Variants in CTNNA2 observed in about 807,000 individuals in gnomAD.
The protein encoded by CTNNA2 is catenin alpha-2.
CTNNA2 carries 42 observed loss-of-function variants against 101.0 expected under a neutral mutation model. The ratio of observed to expected loss-of-function variants is 0.42; its 90% CI spans 0.32 to 0.54. The LOEUF (loss-of-function observed/expected upper bound fraction) is 0.54. CTNNA2 is among the 20% of genes least tolerant of loss of function. The pLI is 0.14. For missense variants in CTNNA2, 871 were observed against 1,223.1 expected (o/e 0.71, Z 4.29); for synonymous variants, 450 against 456.4 (o/e 0.99, Z 0.18).
At chr2:79,277,471 G>A (rs892440603) in intron 2 of CTNNA2, among the ~76,000 whole-genome samples, 2 of 152,048 alleles carry the variant, frequency 1.3e-5, no homozygotes, top group Non-Finnish European at 2.9e-5. Flanking sequence ...GGGCAAGACA[G>A]CAGTCAGCCT....
intron 7 of CTNNA2, among the ~76,000 whole-genome samples, chr2:80,127,256 C>A (rs1229303915): frequency 2.6e-5 from 4 of 151,992 alleles, no homozygotes; most frequent in African/African-American, 9.7e-5. Context: ...TTGTATAGGA[C>A]CTGCAAACAA....
At chr2:79,541,409 TACAC>T (rs1209817983) in intron 1 of CTNNA2, among the ~76,000 whole-genome samples, 21 of 81,840 alleles carry the variant, frequency 2.6e-4, no homozygotes, top group South Asian at 4.3e-4. Flanking sequence ...TATATACACA[TACAC>T]ACACGCACAC....
intron 2 of CTNNA2, among the ~76,000 whole-genome samples, chr2:79,693,007 GAACTTTAAGTAT>G (rs1394719032): frequency 6.6e-6 from 1 of 151,436 alleles, no homozygotes; most frequent in Admixed American, 6.6e-5. Flanking sequence ...ATGTATCTCA[GAACTTTAAGTAT>G]AAATAAAAAA....
At chr2:79,676,805 A>G (rs1683215377) in intron 2 of CTNNA2, among the ~76,000 whole-genome samples, 1 of 152,250 alleles carries the variant, frequency 6.6e-6, no homozygotes, top group South Asian at 2.1e-4. Context: ...GATGTGAGAA[A>G]TTGTGAAAAG....
intron 3 of CTNNA2, among the ~76,000 whole-genome samples, chr2:79,790,245 T>A (rs1475876312): frequency 2.0e-5 from 3 of 152,038 alleles, no homozygotes; most frequent in African/African-American, 7.2e-5. Flanking sequence ...TAGGAACTGT[T>A]TAAGAGCTGT....
chr2:80,439,911 G>C (rs974183997), intron 9 of CTNNA2, among the ~76,000 whole-genome samples: 1 of 152,176 alleles, frequency 6.6e-6, no homozygotes, highest in African/African-American at 2.4e-5. Context: ...ATAGTATTCT[G>C]AATATGTGAG....
At chr2:79,483,301 T>C (rs1671127419) in intron 4 of CTNNA2, among the ~76,000 whole-genome samples, 1 of 152,220 alleles carries the variant, frequency 6.6e-6, no homozygotes, top group African/African-American at 2.4e-5. Context: ...GGTTAGTTAT[T>C]ACCGCATAAC....
intron 18 of CTNNA2, among the ~76,000 whole-genome samples, chr2:80,634,530 T>C (rs1672657469): frequency 6.6e-6 from 1 of 152,054 alleles, no homozygotes; most frequent in Admixed American, 6.6e-5. Flanking sequence ...AAGACCATTT[T>C]GATAGATTTG....
chr2:79,581,155 C>A (rs1170157760), intron 1 of CTNNA2, among the ~76,000 whole-genome samples: 1 of 152,186 alleles, frequency 6.6e-6, no homozygotes, highest in East Asian at 1.9e-4. Flanking sequence ...TGGAGCATGT[C>A]ACTCAGAGAA....
At chr2:79,728,422 G>C (rs1686994863) in intron 2 of CTNNA2, among the ~76,000 whole-genome samples, 1 of 152,100 alleles carries the variant, frequency 6.6e-6, no homozygotes, top group East Asian at 1.9e-4. Flanking sequence ...TTTTTGATGA[G>C]GTTGTTTGTT....
At chr2:80,400,034 G>A (rs995991593) in intron 8 of CTNNA2, among the ~76,000 whole-genome samples, 1 of 152,154 alleles carries the variant, frequency 6.6e-6, no homozygotes, top group Non-Finnish European at 1.5e-5. Flanking sequence ...CACTGAAAAC[G>A]AGATAATTTT....
chr2:79,502,149 G>T (rs1390555318), intron 4 of CTNNA2, among the ~76,000 whole-genome samples: 2 of 151,804 alleles, frequency 1.3e-5, no homozygotes, highest in African/African-American at 2.4e-5. Context: ...AGGGAAATGT[G>T]ACTTAAATAC....
At chr2:80,045,745 G>A (rs1696475523) in intron 7 of CTNNA2, among the ~76,000 whole-genome samples, 1 of 151,996 alleles carries the variant, frequency 6.6e-6, no homozygotes, top group Non-Finnish European at 1.5e-5. Context: ...TTGACTTTGT[G>A]TTGTACCATC....
At chr2:80,426,298 G>T (rs1899903) in intron 9 of CTNNA2, among the ~76,000 whole-genome samples, 18,937 of 151,984 alleles carry the variant, frequency 0.12, 1,947 homozygotes, top group East Asian at 0.55. Context: ...GTGTAATTTG[G>T]GTACAAAATA....
chr2:79,305,611 G>A (rs890413009), intron 2 of CTNNA2, among the ~76,000 whole-genome samples: 5 of 151,856 alleles, frequency 3.3e-5, no homozygotes, highest in African/African-American at 1.2e-4. Flanking sequence ...AAAGAATTCT[G>A]ACTATTCCAC....
intron 1 of CTNNA2, among the ~76,000 whole-genome samples, chr2:79,644,810 A>C (rs1680692556): frequency 6.6e-6 from 1 of 152,000 alleles, no homozygotes; most frequent in South Asian, 2.1e-4. Flanking sequence ...CATTCTCCAG[A>C]AATGGCTGGC....
At chr2:80,021,725 G>A (rs890268144) in intron 7 of CTNNA2, among the ~76,000 whole-genome samples, 1 of 145,932 alleles carries the variant, frequency 6.9e-6, no homozygotes, top group Non-Finnish European at 1.5e-5. Context: ...ATTTTTTTTT[G>A]TGGTGAGAAC....
intron 18 of CTNNA2, among the ~76,000 whole-genome samples, chr2:80,622,729 A>G (rs1243403431): frequency 6.6e-6 from 1 of 151,796 alleles, no homozygotes; most frequent in African/African-American, 2.4e-5. Flanking sequence ...ACGTAGGGAA[A>G]ACTGTTTTTG....
chr2:79,610,158 C>T (rs1333369113), intron 1 of CTNNA2, among the ~76,000 whole-genome samples: 1 of 151,914 alleles, frequency 6.6e-6, no homozygotes, highest in African/African-American at 2.4e-5. Flanking sequence ...CAAATAAGCA[C>T]GTGAAAATAA....
Sources: allele counts gnomAD v4.1 joint callset (sites outside exome capture counted in the v4.1 genomes callset), GRCh38; gene constraint gnomAD v4.1.1; transcripts MANE v1.5; gene names NCBI Gene and HGNC (gene_info 2026-07-23, HGNC 2026-07-21).